Variants in NOTCH2 observed in about 807,000 individuals in gnomAD.
The protein encoded by NOTCH2 is neurogenic locus notch homolog protein 2.
Under a neutral mutation model 235.8 loss-of-function variants are expected in NOTCH2, and 29 were observed. The ratio of observed to expected loss-of-function variants is 0.12; its 90% confidence interval spans 0.09 to 0.17. NOTCH2 has a LOEUF of 0.17. Among genes scored for constraint, NOTCH2 ranks in the 10% least tolerant of loss-of-function variants. NOTCH2 has a pLI of 1.00. For synonymous variants in NOTCH2, 1,086 were observed against 1,141.5 expected (o/e 0.95, Z 0.98); for missense variants, 2,285 against 3,150.2 (o/e 0.73, Z 6.57).
intron 11 of NOTCH2, 91 bp from the exon 12 acceptor site, chr1:119,959,593 T>G: frequency 1.3e-6 from 1 of 774,934 alleles, no homozygotes. Context: ...GTAAGAAATC[T>G]AAGGTGAATT....
Position 119,937,474 on chromosome 1 carries a change from A to G in NOTCH2, c.3338-8T>C. 1 of 1,612,476 alleles carries G rather than the reference A, an allele frequency of 6.2e-7. No individual in the cohort carries two copies. Among genetic ancestry groups the G allele is most frequent in the Non-Finnish European group, 8.5e-7 (1 of 1,179,536 alleles). On this transcript the variant is annotated splice_polypyrimidine_tract_variant and splice_region_variant and intron_variant, in intron 20 of 33. Transcript: ENST00000256646. ...AGTGTTCAACAAGCACACCTGGGAA[A>G]CCCAGTGAGGGAGAAATGTCATAGA...
intron 3 of NOTCH2, among the ~76,000 whole-genome samples, chr1:120,000,013 A>AAGGG (rs1344690382): frequency 2.7e-5 from 4 of 148,064 alleles, no homozygotes; most frequent in Admixed American, 6.7e-5. Flanking sequence ...GGAAGGAAGG[A>AAGGG]AGGGAGAAAG....
intron 19 of NOTCH2, among the ~76,000 whole-genome samples, chr1:119,939,156 C>T (rs782437636): frequency 2.2e-4 from 34 of 152,156 alleles, no homozygotes; most frequent in Non-Finnish European, 2.9e-4. Context: ...GGAGAACATG[C>T]AAACCCCACA....
intron 24 of NOTCH2, 29 bp downstream of exon 24, chr1:119,926,470 C>T (rs754147621): frequency 6.9e-7 from 1 of 1,459,030 alleles, no homozygotes; most frequent in Admixed American, 1.8e-5. Flanking sequence ...AGACAATGCC[C>T]CTTCTTAGAT....
chr1:119,961,080 G>C (rs1252300539), intron 11 of NOTCH2, among the ~76,000 whole-genome samples: 1 of 152,206 alleles, frequency 6.6e-6, no homozygotes, highest in South Asian at 2.1e-4. Context: ...CACCCACCCT[G>C]CACATTAGTC....
chr1:120,000,020 AAAGG>A (rs1323867722), intron 3 of NOTCH2, among the ~76,000 whole-genome samples: 6 of 138,704 alleles, frequency 4.3e-5, no homozygotes, highest in African/African-American at 1.5e-4. Context: ...AGGAAGGGAG[AAAGG>A]AAGGAAGGAA....
chr1:119,923,278 T>G (rs1304140848), intron 26 of NOTCH2, among the ~76,000 whole-genome samples: 3 of 152,188 alleles, frequency 2.0e-5, no homozygotes, highest in African/African-American at 7.2e-5. Flanking sequence ...TCATTACCTG[T>G]GTCAAAGAGA....
At chr1:119,970,282 G>A (rs1039711924) in intron 5 of NOTCH2, among the ~76,000 whole-genome samples, 3 of 152,098 alleles carry the variant, frequency 2.0e-5, no homozygotes, top group Admixed American at 6.5e-5. Context: ...TCTTATAACT[G>A]CACAAAACTA....
At chr1:119,958,057 G>A (rs1231803736) in intron 12 of NOTCH2, among the ~76,000 whole-genome samples, 4 of 152,158 alleles carry the variant, frequency 2.6e-5, no homozygotes, top group African/African-American at 9.7e-5. Context: ...TGACAATTTA[G>A]TGCCTAGCTC....
chr1:120,039,097 C>T (rs1423578261), intron 1 of NOTCH2, among the ~76,000 whole-genome samples: 8 of 151,910 alleles, frequency 5.3e-5, no homozygotes, highest in Admixed American at 1.3e-4. Flanking sequence ...TAAGCACCAA[C>T]GAGATCCAAA....
chr1:119,921,106 A>G (rs1300592566), intron 29 of NOTCH2, among the ~76,000 whole-genome samples: 1 of 152,218 alleles, frequency 6.6e-6, no homozygotes, highest in African/African-American at 2.4e-5. Context: ...TTTGGATTTG[A>G]ATCCAGTTCT....
At chr1:119,940,783 C>G in intron 18 of NOTCH2, 27 bp from the exon 19 acceptor site, 1 of 1,594,692 alleles carries the variant, frequency 6.3e-7, no homozygotes, top group Non-Finnish European at 8.6e-7. Flanking sequence ...GCAACATCAG[C>G]TATGTATCTG....
chr1:119,960,036 A>G (rs1412827799), intron 11 of NOTCH2, among the ~76,000 whole-genome samples: 1 of 152,254 alleles, frequency 6.6e-6, no homozygotes, highest in Non-Finnish European at 1.5e-5. Context: ...AGGAAGAGCT[A>G]TAATGCTATT....
At chr1:119,999,313 T>C (rs1652616188) in intron 3 of NOTCH2, among the ~76,000 whole-genome samples, 1 of 143,702 alleles carries the variant, frequency 7.0e-6, no homozygotes, top group Non-Finnish European at 1.5e-5. Flanking sequence ...GACACAAGAG[T>C]TTTTCTATAA....
chr1:120,012,786 A>G (rs1417994094), intron 2 of NOTCH2, among the ~76,000 whole-genome samples: 4 of 152,022 alleles, frequency 2.6e-5, no homozygotes, highest in African/African-American at 9.7e-5. Context: ...GTGTATGACT[A>G]AGTCTTGCCC....
In NOTCH2 at chr1:119,987,006, C is replaced by A. The variant is rs1266088848; in HGVS notation, c.828G>T (p.Val276=). 1 of 1,613,658 alleles carries A rather than the reference C, an allele frequency of 6.2e-7. No homozygotes were observed. Among genetic ancestry groups the A allele is most frequent in the Non-Finnish European group, 8.5e-7 (1 of 1,179,738 alleles). ...NHRCQNGGVC[V]DGVNTYNCRC... ...GGCAGTTGTAAGTGTTGACCCCATC[C>A]ACACAAACCCCTCCATTCTGACACC... is the stretch of plus-strand genomic sequence containing the variant. The change falls in exon 5 of 34, where the codon GTG becomes GTT. Residue 276 remains valine, a synonymous_variant. Coordinates refer to ENST00000256646, the MANE Select transcript of NOTCH2 (RefSeq NM_024408.4).
Position 119,966,426 on chromosome 1 carries a change from T to A in NOTCH2, c.1517A>T (p.Asn506Ile). 1 of 1,614,100 alleles carries A rather than the reference T, an allele frequency of 6.2e-7. No individual in the cohort carries two copies. Among genetic ancestry groups the A allele is most frequent in the Non-Finnish European group, 8.5e-7 (1 of 1,179,950 alleles). Residue 506 changes from asparagine to isoleucine, a missense_variant, in exon 9 of 34, where the codon AAT becomes ATT. This residue lies in a region of NOTCH2 where 431 missense variants were observed against 757.8 expected (regional missense o/e 0.57). Coordinates refer to ENST00000256646, the MANE Select transcript of NOTCH2 (RefSeq NM_024408.4). ...NECQSNPCVN[N>I]GQCVDKVNRF... ...ATTGACTTTATCCACACACTGCCCATTGTTCACACAAGGGTTGCTCTGACA... is the reference window on the plus strand; with the variant it reads ...ATTGACTTTATCCACACACTGCCCAATGTTCACACAAGGGTTGCTCTGACA...
chr1:119,935,146 T>C, intron 22 of NOTCH2: 1 of 1,228,128 alleles, frequency 8.1e-7, no homozygotes, highest in South Asian at 2.1e-5. Flanking sequence ...AGGCCATTAG[T>C]TGCTTTTCTG....
In NOTCH2 at chr1:119,938,103, G is replaced by A. The variant is rs1570674536; in HGVS notation, c.3184-93C>T. On this transcript the variant is annotated intron_variant, in intron 19 of 33. Transcript: ENST00000256646. The stretch of plus-strand genomic sequence containing the variant: ...TTGTGTTACAAGAAATCAAAGAAAA[G>A]CAAACTGATTAAAAAGAAAAAGAGC... 3 of 1,403,386 alleles carry A rather than the reference G, an allele frequency of 2.1e-6. No individual in the cohort carries two copies. The East Asian group carries it at 7.0e-5, about 33-fold the overall frequency. The allele number at this position is 1,403,386 out of a possible 1,614,324, so 86.9% of individuals were successfully genotyped here.
Sources: gnomAD v4.1 joint callset for allele counts (sites outside exome capture counted in the v4.1 genomes callset) on GRCh38, gnomAD v4.1.1 for gene constraint, gnomAD v4.1.1 regional missense constraint, MANE v1.5 for transcripts, NCBI Gene and HGNC (gene_info 2026-07-23, HGNC 2026-07-21) for gene names.